KCNMA1: variants seen among roughly 807,000 people sequenced by gnomAD.
The protein encoded by KCNMA1 is Calcium-activated potassium channel subunit alpha-1.
In KCNMA1, 29 loss-of-function variants were observed where a neutral mutation model predicts 140.0. The observed-to-expected ratio is 0.21, with a 90% CI of 0.15 to 0.28. The LOEUF is 0.28. Ranked by LOEUF, KCNMA1 falls within the 10% of genes least tolerant of loss-of-function variation. The pLI is 1.00. For synonymous variants in KCNMA1, 612 were observed against 611.9 expected (o/e 1.00, Z 0.00); for missense variants, 880 against 1,602.2 (o/e 0.55, Z 7.70).
At chr10:77,117,152 A>T (rs2153920290) in intron 6 of KCNMA1, among the ~76,000 whole-genome samples, 1 of 152,330 alleles carries the variant, frequency 6.6e-6, no homozygotes, top group African/African-American at 2.4e-5. Flanking sequence ...GACATAGTAG[A>T]TGTAATCATT....
intron 1 of KCNMA1, among the ~76,000 whole-genome samples, chr10:77,513,504 T>C (rs2049176987): frequency 6.6e-6 from 1 of 152,186 alleles, no homozygotes; most frequent in Non-Finnish European, 1.5e-5. Context: ...GTTGCCTGGA[T>C]AATGTATGTG....
intron 1 of KCNMA1, among the ~76,000 whole-genome samples, chr10:77,600,748 A>AAC (rs60159761): frequency 0.032 from 4,796 of 150,390 alleles, 197 homozygotes; most frequent in East Asian, 0.19. Flanking sequence ...CTCCATCTCA[A>AAC]ACACACACAC....
Position 77,438,993 on chromosome 10 carries a change from T to C in KCNMA1, c.379-34970A>G, listed in dbSNP as rs138689897. 5.5e-3 allele frequency among the ~76,000 whole-genome samples: 833 copies of C among 150,870 alleles called. 2 individuals carry two copies. Among genetic ancestry groups the C allele is most frequent in the Non-Finnish European group, 8.0e-3 (544 of 67,648 alleles). On this transcript the variant is annotated intron_variant, in intron 1 of 27. Coordinates refer to ENST00000286628, the MANE Select transcript of KCNMA1 (RefSeq NM_001161352.2). ...CGGGAGGCTGAAACAGGAGAATGAC[T>C]TGAACCCGGGAGGCCGAGGCCGAGC...
chr10:76,941,224 A>G (rs981311009), intron 23 of KCNMA1, among the ~76,000 whole-genome samples: 8 of 151,818 alleles, frequency 5.3e-5, no homozygotes, highest in Admixed American at 1.3e-4. Context: ...GAAAAGAAAA[A>G]AAATGGAGAG....
At chr10:77,142,864 C>T (rs1189952336) in intron 5 of KCNMA1, among the ~76,000 whole-genome samples, 4 of 152,264 alleles carry the variant, frequency 2.6e-5, no homozygotes, top group Non-Finnish European at 5.9e-5. Flanking sequence ...TTTTCTCCAA[C>T]TGACACAAGA....
intron 1 of KCNMA1, chr10:77,636,945 G>A (rs1603639303): frequency 4.2e-6 from 6 of 1,412,496 alleles, no homozygotes; most frequent in East Asian, 2.6e-5. Flanking sequence ...TCCCCACCCC[G>A]CACCACGGCA....
At position 77,113,067 on chromosome 10, in the gene KCNMA1, G is replaced by T. The variant is rs1035874520; in HGVS notation, c.885-625C>A. On this transcript the variant is annotated intron_variant, in intron 6 of 27. Transcript: ENST00000286628. ...CAGTTGCCCCAAAATTATGTTTATT[G>T]ATTTTTTTTTATTTTCCCCCCAGAC... Among the ~76,000 whole-genome samples, 6 of 152,008 alleles carry T rather than the reference G, an allele frequency of 3.9e-5. No homozygotes were observed. In the South Asian group the frequency reaches 8.3e-4, roughly 21 times the overall value.
chr10:77,186,306 T>C (rs1016268232), intron 3 of KCNMA1, among the ~76,000 whole-genome samples: 5 of 151,868 alleles, frequency 3.3e-5, no homozygotes, highest in African/African-American at 1.2e-4. Flanking sequence ...GAGTAACCTT[T>C]ATTTGCATTC....
intron 1 of KCNMA1, among the ~76,000 whole-genome samples, chr10:77,611,934 C>G (rs2154568156): frequency 6.6e-6 from 1 of 152,294 alleles, no homozygotes; most frequent in African/African-American, 2.4e-5. Context: ...ATCAGCAAGG[C>G]AAGATCAAGG....
At chr10:77,011,239 G>C (rs1565526924) in intron 18 of KCNMA1, among the ~76,000 whole-genome samples, 1 of 152,140 alleles carries the variant, frequency 6.6e-6, no homozygotes, top group Non-Finnish European at 1.5e-5. Flanking sequence ...GACCACTTAA[G>C]TCATGGTATC....
chr10:77,324,969 CTCTGTGTG>C (rs1292289958), intron 2 of KCNMA1, among the ~76,000 whole-genome samples: 10 of 95,086 alleles, frequency 1.1e-4, no homozygotes, highest in East Asian at 5.4e-4. Flanking sequence ...CTCTCTCTCT[CTCTGTGTG>C]TGTGTGTGTG....
intron 17 of KCNMA1, among the ~76,000 whole-genome samples, chr10:77,014,822 A>G (rs946223584): frequency 2.0e-5 from 3 of 152,200 alleles, no homozygotes; most frequent in South Asian, 2.1e-4. Context: ...GCCAAGTGGC[A>G]TTTCTTTGCA....
intron 3 of KCNMA1, among the ~76,000 whole-genome samples, chr10:77,213,403 C>T (rs2046732212): frequency 6.6e-6 from 1 of 152,166 alleles, no homozygotes; most frequent in South Asian, 2.1e-4. Context: ...GGAGCACTCA[C>T]ATCTCCAAGA....
intron 1 of KCNMA1, among the ~76,000 whole-genome samples, chr10:77,508,749 C>A (rs1385103105): frequency 6.6e-6 from 1 of 151,930 alleles, no homozygotes; most frequent in East Asian, 1.9e-4. Context: ...CCATCCACGT[C>A]CAGAATTTTT....
chr10:76,956,451 T>A (rs1023646306), intron 20 of KCNMA1, among the ~76,000 whole-genome samples: 1 of 152,136 alleles, frequency 6.6e-6, no homozygotes, highest in African/African-American at 2.4e-5. Flanking sequence ...AATCCAGGAT[T>A]TCCCCCAAGA....
intron 1 of KCNMA1, among the ~76,000 whole-genome samples, chr10:77,508,640 G>A (rs1456832596): frequency 3.7e-5 from 1 of 26,876 alleles, no homozygotes; most frequent in Non-Finnish European, 6.7e-5. Flanking sequence ...TTTTCTTTTT[G>A]TAAAGGCATG....
At chr10:77,505,358 C>T (rs1330518553) in intron 1 of KCNMA1, among the ~76,000 whole-genome samples, 1 of 152,206 alleles carries the variant, frequency 6.6e-6, no homozygotes, top group Non-Finnish European at 1.5e-5. Context: ...AGGCTCCATG[C>T]CCTGGCAATG....
chr10:77,446,241 A>G (rs2097527725), intron 1 of KCNMA1, among the ~76,000 whole-genome samples: 1 of 152,342 alleles, frequency 6.6e-6, no homozygotes, highest in African/African-American at 2.4e-5. Context: ...AAACAGAGTC[A>G]CTGCCTATGA....
intron 17 of KCNMA1, chr10:77,012,646 C>A: frequency 9.7e-7 from 1 of 1,030,062 alleles, no homozygotes; most frequent in Non-Finnish European, 1.5e-6. Flanking sequence ...TACTCCAAAG[C>A]TGACTGGACC....
Sources: allele counts gnomAD v4.1 joint callset (sites outside exome capture counted in the v4.1 genomes callset), GRCh38; gene constraint gnomAD v4.1.1; transcripts MANE v1.5; gene names NCBI Gene and HGNC (gene_info 2026-07-23, HGNC 2026-07-21).